Variants in IKZF3 observed in about 807,000 individuals in gnomAD.
IKZF3 encodes IKAROS family zinc finger 3.
In IKZF3, 10 loss-of-function variants were observed where a neutral mutation model predicts 49.0. The observed-to-expected ratio is 0.20, with a 90% CI of 0.13 to 0.35. The LOEUF (loss-of-function observed/expected upper bound fraction) is 0.35. Among genes scored for constraint, IKZF3 ranks in the 10% least tolerant of loss-of-function variants. IKZF3 has a pLI of 1.00. For synonymous variants in IKZF3, 209 were observed against 228.2 expected, an observed-to-expected ratio of 0.92 and a Z score of 0.76; for missense variants, 498 against 664.8, an observed-to-expected ratio of 0.75 and a Z score of 2.76.
intron 3 of IKZF3, among the ~76,000 whole-genome samples, chr17:39,798,996 CGTGTGT>C (rs10628627): frequency 6.7e-6 from 1 of 148,982 alleles, no homozygotes; most frequent in African/African-American, 2.5e-5. Flanking sequence ...TGTGTGTGTG[CGTGTGT>C]GTGTGTGTGT....
chr17:39,801,607 C>A (rs2061319485), intron 3 of IKZF3, among the ~76,000 whole-genome samples: 1 of 152,128 alleles, frequency 6.6e-6, no homozygotes, highest in African/African-American at 2.4e-5. Context: ...TACTTCTCTC[C>A]CACAATGACC....
intron 3 of IKZF3, among the ~76,000 whole-genome samples, chr17:39,815,222 C>T (rs2061652270): frequency 6.6e-6 from 1 of 152,162 alleles, no homozygotes; most frequent in Non-Finnish European, 1.5e-5. Context: ...GACGGGAATC[C>T]AATTTCAGAG....
At chr17:39,793,046 A>G in intron 3 of IKZF3, 113 bp from the exon 4 acceptor site, 1 of 1,031,620 alleles carries the variant, frequency 9.7e-7, no homozygotes, top group African/African-American at 1.6e-5. Context: ...AGCTAACAAA[A>G]CACTGTACAT....
chr17:39,853,379 T>C (rs1455956358), intron 1 of IKZF3, among the ~76,000 whole-genome samples: 1 of 152,192 alleles, frequency 6.6e-6, no homozygotes, highest in Non-Finnish European at 1.5e-5. Flanking sequence ...AAACTGTCGT[T>C]CTTCAACTAT....
chr17:39,779,503 C>CA (rs2060674731), intron 6 of IKZF3, among the ~76,000 whole-genome samples: 2 of 152,226 alleles, frequency 1.3e-5, no homozygotes, highest in South Asian at 4.1e-4. Flanking sequence ...CAAAGAGATA[C>CA]CAGCTTCTCT....
intron 7 of IKZF3, among the ~76,000 whole-genome samples, chr17:39,772,750 G>T (rs2060476114): frequency 6.6e-6 from 1 of 152,200 alleles, no homozygotes; most frequent in Non-Finnish European, 1.5e-5. Context: ...CACCAGGGAA[G>T]ACTGTTCTTT....
chr17:39,780,970 A>G (rs2060727143), intron 6 of IKZF3, among the ~76,000 whole-genome samples: 2 of 152,242 alleles, frequency 1.3e-5, no homozygotes, highest in African/African-American at 4.8e-5. Context: ...CAGTGAAGCT[A>G]TTAACAACTA....
intron 3 of IKZF3, among the ~76,000 whole-genome samples, chr17:39,817,574 G>A (rs907113722): frequency 6.6e-6 from 1 of 152,128 alleles, no homozygotes; most frequent in Non-Finnish European, 1.5e-5. Context: ...GAGTAGCTGG[G>A]ACTACAGTCT....
At chr17:39,795,520 C>A (rs1465268206) in intron 3 of IKZF3, among the ~76,000 whole-genome samples, 2 of 152,072 alleles carry the variant, frequency 1.3e-5, no homozygotes, top group Non-Finnish European at 2.9e-5. Flanking sequence ...GATTCTCCTG[C>A]CTCAGCCTCC....
chr17:39,806,014 A>G (rs1442783613), intron 3 of IKZF3, among the ~76,000 whole-genome samples: 1 of 152,202 alleles, frequency 6.6e-6, no homozygotes, highest in Non-Finnish European at 1.5e-5. Flanking sequence ...TCCACTGAAA[A>G]TAGAGTTGAA....
intron 3 of IKZF3, among the ~76,000 whole-genome samples, chr17:39,800,582 C>G (rs1237049157): frequency 1.3e-5 from 2 of 152,108 alleles, no homozygotes; most frequent in African/African-American, 4.8e-5. Flanking sequence ...TCTAAAGGAG[C>G]TACTCTAGGG....
In IKZF3 at chr17:39,766,028, G is replaced by A. The variant is rs114183106; in HGVS notation, c.1292C>T (p.Pro431Leu). The stretch of plus-strand genomic sequence containing the variant: ...GACGGAGTCTCTTGGGCAGATGGGC[G>A]GGGGCTTGAGGAGTTCGTAAGAGCG... ...VPRSYELLKPPPICPRDSVKV... is the reference protein window; with the variant it reads ...VPRSYELLKPLPICPRDSVKV... The change falls in exon 8 of 8, where the codon CCG becomes CTG. Residue 431 changes from proline (P) to leucine (L), a missense_variant. By Grantham distance (98) the Pro-to-Leu change is moderately conservative (BLOSUM62 -3). This residue lies in a region of IKZF3 where 317 missense variants were observed against 397.3 expected (regional missense o/e 0.80). Transcript: ENST00000346872. 18 of 1,613,924 alleles carry A rather than the reference G, an allele frequency of 1.1e-5. No individual in the cohort carries two copies. Among genetic ancestry groups the A allele is most frequent in the African/African-American group, 8.0e-5 (6 of 74,914 alleles).
chr17:39,861,238 A>G (rs1357937999), intron 1 of IKZF3, among the ~76,000 whole-genome samples: 1 of 152,150 alleles, frequency 6.6e-6, no homozygotes, highest in Non-Finnish European at 1.5e-5. Context: ...TTTCAACACA[A>G]TGTGGTAGAA....
At chr17:39,801,710 G>A (rs116667039) in intron 3 of IKZF3, among the ~76,000 whole-genome samples, 155 of 152,176 alleles carry the variant, frequency 1.0e-3, no homozygotes, top group African/African-American at 3.4e-3. Flanking sequence ...GAGAGAAACC[G>A]ATGATATTTT....
chr17:39,776,833 G>A (rs2060602453), intron 7 of IKZF3, among the ~76,000 whole-genome samples: 1 of 152,182 alleles, frequency 6.6e-6, no homozygotes, highest in African/African-American at 2.4e-5. Context: ...GCTGAGACAG[G>A]TTTCTAAAAT....
At chr17:39,846,751 T>C (rs1364694028) in intron 1 of IKZF3, among the ~76,000 whole-genome samples, 1 of 152,102 alleles carries the variant, frequency 6.6e-6, no homozygotes, top group Non-Finnish European at 1.5e-5. Context: ...TCTAATACTG[T>C]ACTATTAAAT....
rs2060163632 is a variant in IKZF3, at chr17:39,760,690, G to A, written c.*5100C>T. 1.3e-5 allele frequency: 2 copies of A among 152,232 alleles called. No individual in the cohort carries two copies. Among genetic ancestry groups the A allele is most frequent in the Admixed American group, 1.3e-4 (2 of 15,286 alleles). 9.4% of individuals were successfully genotyped at this position (152,232 alleles called of 1,614,324 possible). A position where few individuals can be genotyped will look rare whatever the true frequency, so the allele number is the denominator to read the frequency against. ...GGAGGTGGGGGTGGTACAGGAAATA[G>A]GAGAATAATAGTGATACAGATGCTA... On this transcript the variant is annotated 3_prime_UTR_variant, in exon 8 of 8. Transcript: ENST00000346872.
chr17:39,777,998 C>A, intron 6 of IKZF3: 1 of 1,207,036 alleles, frequency 8.3e-7, no homozygotes, highest in Non-Finnish European at 1.0e-6. Flanking sequence ...CTCGACCCAT[C>A]CCCAACCAGT....
chr17:39,769,575 C>T (rs957356049), intron 7 of IKZF3, among the ~76,000 whole-genome samples: 3 of 152,200 alleles, frequency 2.0e-5, no homozygotes, highest in Non-Finnish European at 4.4e-5. Flanking sequence ...AGACTGAGAA[C>T]ATGAGAGCCA....
Sources: gnomAD v4.1 joint callset for allele counts (sites outside exome capture counted in the v4.1 genomes callset) on GRCh38, gnomAD v4.1.1 for gene constraint, gnomAD v4.1.1 regional missense constraint, MANE v1.5 for transcripts, NCBI Gene and HGNC (gene_info 2026-07-23, HGNC 2026-07-21) for gene names.